Variants in MTG1 observed in about 807,000 individuals in gnomAD.
The protein encoded by MTG1 is mitochondrial ribosome-associated GTPase 1.
A neutral mutation model predicts 39.5 loss-of-function variants in MTG1; 30 were observed. The observed-to-expected ratio is 0.76, with a 90% CI of 0.57 to 1.03. MTG1 has a LOEUF of 1.03. Ranked by LOEUF, MTG1 falls within the 50% of genes least tolerant of loss-of-function variation. The pLI, the probability that MTG1 is intolerant of heterozygous loss-of-function variation, is 0.00. For synonymous variants in MTG1, 217 were observed against 179.0 expected, an observed-to-expected ratio of 1.21 and a Z score of -1.69; for missense variants, 513 against 447.4, an observed-to-expected ratio of 1.15 and a Z score of -1.32.
At chr10:133,407,374 C>T (rs769935577) in intron 9 of MTG1, among the ~76,000 whole-genome samples, 1 of 152,044 alleles carries the variant, frequency 6.6e-6, no homozygotes, top group Non-Finnish European at 1.5e-5. Context: ...CTGTAAATTG[C>T]TTTGGGTGGT....
chr10:133,399,495 G>C lies in MTG1; in HGVS notation c.421-34G>C, dbSNP rs111977138. The C allele has an allele frequency of 1.2e-5, 20 of 1,603,454 alleles. No individual in the cohort carries two copies. In the African/African-American group the frequency reaches 2.5e-4, roughly 20 times the overall value. On this transcript the variant is annotated intron_variant, in intron 5 of 10. Transcript: ENST00000317502. The stretch of plus-strand genomic sequence containing the variant: ...AGAGTCTCAGGCTCTAGCGGCCACG[G>C]TGGGCCCTGTGACCCCTCTCTCTGC...
rs1849829372 is a variant in MTG1, at chr10:133,399,057, A to G, written c.364-113A>G. 4 of 1,152,424 alleles carry G rather than the reference A, an allele frequency of 3.5e-6. No individual in the cohort carries two copies. In the South Asian group the frequency reaches 5.0e-5, roughly 14 times the overall value. The allele number at this position is 1,152,424 out of a possible 1,614,324, so 71.4% of individuals were successfully genotyped here. ...GGAGGTTTCTGTTTTCCTAACGGATATGTGAAAGTGGAGACACTGGAATCC... is the reference window on the plus strand; with the variant it reads ...GGAGGTTTCTGTTTTCCTAACGGATGTGTGAAAGTGGAGACACTGGAATCC... On this transcript the variant is annotated intron_variant, in intron 4 of 10. Transcript: ENST00000317502.
chr10:133,407,524 G>A (rs529734202), intron 9 of MTG1, among the ~76,000 whole-genome samples: 2 of 150,598 alleles, frequency 1.3e-5, no homozygotes, highest in Admixed American at 6.6e-5. Flanking sequence ...TGTATTCCTA[G>A]GTATTTTATA....
At chr10:133,401,626 A>G (rs1304820146) in intron 7 of MTG1, 36 bp downstream of exon 7, 1 of 1,608,264 alleles carries the variant, frequency 6.2e-7, no homozygotes, top group South Asian at 1.1e-5. Flanking sequence ...GCACTCTGTC[A>G]AGAGCTCTGC....
At chr10:133,409,679 G>T (rs1465116142) in intron 9 of MTG1, among the ~76,000 whole-genome samples, 1 of 152,106 alleles carries the variant, frequency 6.6e-6, no homozygotes, top group Non-Finnish European at 1.5e-5. Context: ...ATCAATGTTT[G>T]CTTTATATAT....
intron 9 of MTG1, among the ~76,000 whole-genome samples, chr10:133,414,595 T>C (rs1393090229): frequency 4.0e-5 from 6 of 149,366 alleles, no homozygotes; most frequent in Admixed American, 4.0e-4. Context: ...CACTCCTCAC[T>C]TCCTAGATGG....
In MTG1 at chr10:133,422,299, G is replaced by A. The variant is rs1850258017; in HGVS notation, c.*2134G>A. ...TCCGAGGCCTGGAACAGCTGCTTCC[G>A]AAGAAGGGGCTGCCTTCAGGGAAAT... is the stretch of plus-strand genomic sequence containing the variant. On this transcript the variant is annotated 3_prime_UTR_variant, in exon 11 of 11. Coordinates refer to ENST00000317502, the MANE Select transcript of MTG1 (RefSeq NM_138384.4). 6.6e-6 allele frequency: 1 copy of A among 152,330 alleles called. No homozygotes were observed. The highest frequency in any genetic ancestry group is 1.5e-5 in the Non-Finnish European group (1 of 68,136). 9.4% of individuals were successfully genotyped at this position (152,330 alleles called of 1,614,324 possible).
At chr10:133,408,414 C>A (rs1444034375) in intron 9 of MTG1, among the ~76,000 whole-genome samples, 1 of 152,166 alleles carries the variant, frequency 6.6e-6, no homozygotes, top group Non-Finnish European at 1.5e-5. Context: ...CCCACTTGAT[C>A]GTGGTGAATG....
At chr10:133,397,910 C>T (rs934365257) in intron 3 of MTG1, among the ~76,000 whole-genome samples, 6 of 152,114 alleles carry the variant, frequency 3.9e-5, no homozygotes, top group African/African-American at 1.4e-4. Context: ...GTATAGGGCA[C>T]AGCAGTGTCT....
intron 9 of MTG1, among the ~76,000 whole-genome samples, chr10:133,416,375 T>C (rs915060364): frequency 3.6e-5 from 5 of 137,058 alleles, no homozygotes; most frequent in Admixed American, 2.4e-4. Context: ...TTGGATGATA[T>C]ATATATATAT....
chr10:133,416,478 G>A (rs1357780017), intron 9 of MTG1, among the ~76,000 whole-genome samples: 1 of 151,156 alleles, frequency 6.6e-6, no homozygotes, highest in Non-Finnish European at 1.5e-5. Context: ...ATGTACACAT[G>A]TGCCATGCTG....
rs181041101 is a variant in MTG1, at chr10:133,419,151, G to A, written c.753-329G>A. On this transcript the variant is annotated intron_variant, in intron 9 of 10. Coordinates refer to ENST00000317502, the MANE Select transcript of MTG1 (RefSeq NM_138384.4). ...CACAGAGGCCTGCCTGTCCTACCCC[G>A]GATAGAGTGGATGAAGCCTGTGTGT... Among the ~76,000 whole-genome samples the A allele has an allele frequency of 5.3e-5, 8 of 152,298 alleles. No individual in the cohort carries two copies. In the East Asian group the frequency reaches 1.2e-3, roughly 22 times the overall value.
chr10:133,416,981 T>C (rs1370174260), intron 9 of MTG1, among the ~76,000 whole-genome samples: 1 of 151,554 alleles, frequency 6.6e-6, no homozygotes, highest in East Asian at 1.9e-4. Flanking sequence ...ATCGCCACAC[T>C]GACTTCCACA....
chr10:133,407,932 T>C (rs1849991434), intron 9 of MTG1, among the ~76,000 whole-genome samples: 1 of 152,368 alleles, frequency 6.6e-6, no homozygotes, highest in South Asian at 2.1e-4. Context: ...TCTGCAACTT[T>C]ACTGAAACCT....
chr10:133,399,121 G>A, intron 4 of MTG1, 49 bp from the exon 5 acceptor site: 1 of 1,608,310 alleles, frequency 6.2e-7, no homozygotes, highest in Non-Finnish European at 8.5e-7. Context: ...GCGGGTCAGT[G>A]CACAGACGTC....
chr10:133,416,382 A>G (rs975486410), intron 9 of MTG1, among the ~76,000 whole-genome samples: 1 of 136,864 alleles, frequency 7.3e-6, no homozygotes, highest in African/African-American at 2.6e-5. Context: ...ATATATATAT[A>G]TATATATTTT....
At chr10:133,397,279 T>C (rs1430030289) in intron 3 of MTG1, among the ~76,000 whole-genome samples, 1 of 152,080 alleles carries the variant, frequency 6.6e-6, no homozygotes. Flanking sequence ...GAAGGGCCCC[T>C]TGTCCAGTGG....
At chr10:133,404,129 C>CTT (rs57165977) in intron 9 of MTG1, among the ~76,000 whole-genome samples, 8,419 of 91,110 alleles carry the variant, frequency 0.092, 896 homozygotes, top group East Asian at 0.24. Flanking sequence ...AAGTTTTAAT[C>CTT]TTTTTTTTTT....
chr10:133,400,885 C>T (rs573746517), intron 6 of MTG1, among the ~76,000 whole-genome samples: 9 of 152,350 alleles, frequency 5.9e-5, no homozygotes, highest in South Asian at 2.1e-4. Context: ...TCGTGATGTC[C>T]TCAAGGTTCG....
Sources: gnomAD v4.1 joint callset for allele counts (sites outside exome capture counted in the v4.1 genomes callset) on GRCh38, gnomAD v4.1.1 for gene constraint, MANE v1.5 for transcripts, NCBI Gene and HGNC (gene_info 2026-07-23, HGNC 2026-07-21) for gene names.